LRMDA: variants seen among roughly 807,000 people sequenced by gnomAD.
LRMDA encodes leucine-rich melanocyte differentiation-associated protein.
In LRMDA, 18 loss-of-function variants were observed where a neutral mutation model predicts 29.8. That is an observed-to-expected ratio of 0.60 (90% CI 0.42 to 0.90). The LOEUF is 0.90. Among genes scored for constraint, LRMDA ranks in the 40% least tolerant of loss-of-function variants. The pLI is 0.00. For synonymous variants in LRMDA, 125 were observed against 109.4 expected (o/e 1.14, Z -0.89); for missense variants, 273 against 273.9 (o/e 1.00, Z 0.02).
At chr10:76,328,618 T>C (rs1840866282) in intron 6 of LRMDA, among the ~76,000 whole-genome samples, 1 of 151,512 alleles carries the variant, frequency 6.6e-6, no homozygotes. Context: ...GAAGGAAGAG[T>C]CAAAAAAGTA....
intron 6 of LRMDA, among the ~76,000 whole-genome samples, chr10:76,354,969 T>C (rs1319276333): frequency 6.6e-6 from 1 of 152,168 alleles, no homozygotes; most frequent in East Asian, 1.9e-4. Flanking sequence ...ACTGCACCAA[T>C]TCTACCTTTT....
At chr10:75,627,701 T>C (rs1020673906) in intron 2 of LRMDA, among the ~76,000 whole-genome samples, 5 of 152,152 alleles carry the variant, frequency 3.3e-5, no homozygotes, top group African/African-American at 1.2e-4. Context: ...GAAATCTACC[T>C]CTACCACAGG....
intron 5 of LRMDA, among the ~76,000 whole-genome samples, chr10:76,190,182 A>G (rs1156548320): frequency 6.6e-6 from 1 of 152,164 alleles, no homozygotes; most frequent in Non-Finnish European, 1.5e-5. Context: ...AGAGAAATTG[A>G]ACTGGATTAA....
chr10:75,535,878 C>T (rs1016285830), intron 2 of LRMDA, among the ~76,000 whole-genome samples: 3 of 152,108 alleles, frequency 2.0e-5, no homozygotes, highest in Admixed American at 6.6e-5. Flanking sequence ...GTGGACCAGG[C>T]CAGGAGGCAG....
At chr10:76,427,264 C>A (rs1842138358) in intron 6 of LRMDA, among the ~76,000 whole-genome samples, 1 of 151,820 alleles carries the variant, frequency 6.6e-6, no homozygotes, top group South Asian at 2.1e-4. Flanking sequence ...TTGTTTGTAT[C>A]CTCTTTTATT....
At chr10:76,388,729 T>C (rs1485707489) in intron 6 of LRMDA, among the ~76,000 whole-genome samples, 2 of 152,168 alleles carry the variant, frequency 1.3e-5, no homozygotes, top group African/African-American at 2.4e-5. Context: ...CAAATGGAAT[T>C]GGAGATATTG....
intron 2 of LRMDA, chr10:75,642,593 T>C (rs978005449): frequency 1.3e-5 from 2 of 152,206 alleles, no homozygotes; most frequent in African/African-American, 4.8e-5. Context: ...TGGGAGGTTT[T>C]CCCAGTCTGA....
At chr10:76,405,487 T>C (rs6480814) in intron 6 of LRMDA, among the ~76,000 whole-genome samples, 135,216 of 152,202 alleles carry the variant, frequency 0.89, 60,830 homozygotes, top group Middle Eastern at 0.98. Context: ...TGCGCTGCTG[T>C]TTATACAACA....
intron 2 of LRMDA, among the ~76,000 whole-genome samples, chr10:75,873,628 G>A (rs1185705184): frequency 6.6e-6 from 1 of 152,162 alleles, no homozygotes; most frequent in Non-Finnish European, 1.5e-5. Flanking sequence ...TTAAAACTAG[G>A]TGATTCATTT....
chr10:75,950,304 C>T (rs1232238449), intron 2 of LRMDA, among the ~76,000 whole-genome samples: 1 of 152,176 alleles, frequency 6.6e-6, no homozygotes, highest in Non-Finnish European at 1.5e-5. Flanking sequence ...GCAATGGCAC[C>T]TCAGCTAGTT....
intron 2 of LRMDA, among the ~76,000 whole-genome samples, chr10:75,915,428 A>T (rs1411193160): frequency 6.6e-6 from 1 of 151,188 alleles, no homozygotes; most frequent in Non-Finnish European, 1.5e-5. Context: ...GAGCCACTGT[A>T]CCTGGCCCTA....
intron 5 of LRMDA, among the ~76,000 whole-genome samples, chr10:76,118,112 AC>A (rs375308414): frequency 7.2e-5 from 11 of 152,306 alleles, no homozygotes; most frequent in African/African-American, 2.4e-4. Flanking sequence ...TGTCACCATG[AC>A]TCACTGGTAA....
chr10:76,077,651 G>A (rs73281576), intron 5 of LRMDA, among the ~76,000 whole-genome samples: 52 of 152,232 alleles, frequency 3.4e-4, no homozygotes, highest in African/African-American at 1.2e-3. Flanking sequence ...TTCAAAATTA[G>A]GATGAATTCT....
chr10:75,840,005 G>A (rs1226733851), intron 2 of LRMDA, among the ~76,000 whole-genome samples: 1 of 152,180 alleles, frequency 6.6e-6, no homozygotes, highest in East Asian at 1.9e-4. Flanking sequence ...ACCACGCCTG[G>A]CCGCATTCAA....
chr10:75,573,735 T>G (rs1840465674), intron 2 of LRMDA, among the ~76,000 whole-genome samples: 2 of 152,242 alleles, frequency 1.3e-5, no homozygotes, highest in South Asian at 4.1e-4. Context: ...CTTGATTAGC[T>G]GACTCTTTTC....
intron 2 of LRMDA, among the ~76,000 whole-genome samples, chr10:75,823,540 A>G (rs975561164): frequency 3.3e-5 from 5 of 152,170 alleles, no homozygotes; most frequent in African/African-American, 1.2e-4. Context: ...AAATAAGTAT[A>G]ACCTCTATGG....
intron 2 of LRMDA, among the ~76,000 whole-genome samples, chr10:76,025,908 GTCA>G (rs1397805276): frequency 6.6e-6 from 1 of 152,136 alleles, no homozygotes; most frequent in Non-Finnish European, 1.5e-5. Context: ...CTATTGCACA[GTCA>G]TCCTTGTAGC....
At chr10:75,988,866 C>T (rs538289117) in intron 2 of LRMDA, among the ~76,000 whole-genome samples, 53 of 152,270 alleles carry the variant, frequency 3.5e-4, no homozygotes, top group African/African-American at 1.3e-3. Context: ...TATTGGATGT[C>T]TTTTTCCTTG....
chr10:76,417,851 C>A, intron 6 of LRMDA, among the ~76,000 whole-genome samples: 1 of 152,128 alleles, frequency 6.6e-6, no homozygotes, highest in South Asian at 2.1e-4. Flanking sequence ...GTACACCTAA[C>A]ATTTTTATAT....
Sources: gnomAD v4.1 joint callset for allele counts (sites outside exome capture counted in the v4.1 genomes callset) on GRCh38, gnomAD v4.1.1 for gene constraint, MANE v1.5 for transcripts, NCBI Gene and HGNC (gene_info 2026-07-23, HGNC 2026-07-21) for gene names.